The following TMEM178B variants were observed in gnomAD, a reference collection of about 807,000 sequenced individuals.
TMEM178B encodes the protein transmembrane protein 178B.
A neutral mutation model predicts 31.0 loss-of-function variants in TMEM178B; 5 were observed. The observed-to-expected ratio is 0.16, with a 90% CI of 0.08 to 0.34. The LOEUF (loss-of-function observed/expected upper bound fraction) is 0.34. Ranked by LOEUF, TMEM178B falls within the 10% of genes least tolerant of loss-of-function variation. TMEM178B has a pLI of 1.00. For synonymous variants in TMEM178B, 164 were observed against 164.0 expected (o/e 1.00, Z 0.00); for missense variants, 275 against 400.3 (o/e 0.69, Z 2.67).
chr7:141,156,522 T>C (rs560521708), intron 1 of TMEM178B, among the ~76,000 whole-genome samples: 82 of 152,268 alleles, frequency 5.4e-4, no homozygotes, highest in African/African-American at 1.8e-3. Context: ...GTACAAAAGA[T>C]GGACACCTTG....
At chr7:141,182,798 A>G (rs961931389) in intron 1 of TMEM178B, among the ~76,000 whole-genome samples, 1 of 152,178 alleles carries the variant, frequency 6.6e-6, no homozygotes, top group Non-Finnish European at 1.5e-5. Flanking sequence ...TCCCCTGCAC[A>G]AGCTCTCTTT....
At position 141,112,723 on chromosome 7, in the gene TMEM178B, GA is replaced by G. The variant is rs755882470; in HGVS notation, c.382+38032del. Reference sequence around the variant, plus strand: ...GAAATCTAAGAGGGTAAGTATTGCTGATCACAGCAAAGAGTGGCGCTCTCTC... The same window carrying G: ...GAAATCTAAGAGGGTAAGTATTGCTGTCACAGCAAAGAGTGGCGCTCTCTC... On this transcript the variant is annotated intron_variant, in intron 1 of 3. Coordinates refer to ENST00000565468, the MANE Select transcript of TMEM178B (RefSeq NM_001195278.2). 9.2e-5 allele frequency among the ~76,000 whole-genome samples: 14 copies of G among 152,290 alleles called. No individual in the cohort carries two copies. In the East Asian group the frequency reaches 2.5e-3, roughly 27 times the overall value.
Position 141,152,803 on chromosome 7 carries a change from G to A in TMEM178B, c.383-59788G>A, listed in dbSNP as rs547187976. Among the ~76,000 whole-genome samples the A allele has an allele frequency of 3.9e-5, 6 of 152,316 alleles. No homozygotes were observed. In the East Asian group the frequency reaches 5.8e-4, roughly 15 times the overall value. ...AGGCCAAGGCCAAATCTCAAAATAC[G>A]TTCATTTCTCTTTTTAAATAATAGT... On this transcript the variant is annotated intron_variant, in intron 1 of 3. Coordinates refer to ENST00000565468, the MANE Select transcript of TMEM178B (RefSeq NM_001195278.2).
At chr7:141,169,160 AC>A (rs1172587597) in intron 1 of TMEM178B, among the ~76,000 whole-genome samples, 2 of 152,170 alleles carry the variant, frequency 1.3e-5, no homozygotes, top group African/African-American at 4.8e-5. Flanking sequence ...TGAGCCTAGT[AC>A]CCATTAGTTA....
chr7:141,365,103 A>T (rs1489599363), intron 2 of TMEM178B, among the ~76,000 whole-genome samples: 2 of 152,230 alleles, frequency 1.3e-5, no homozygotes, highest in Non-Finnish European at 2.9e-5. Context: ...CAGAAACCCC[A>T]TCTCCTCATT....
chr7:141,241,319 C>T (rs377298570), intron 2 of TMEM178B, among the ~76,000 whole-genome samples: 32 of 151,904 alleles, frequency 2.1e-4, no homozygotes, highest in African/African-American at 6.8e-4. Context: ...TGGCCTGGCG[C>T]GGTGGCTCAC....
chr7:141,255,616 GAA>G (rs1409605635), intron 2 of TMEM178B, among the ~76,000 whole-genome samples: 1 of 151,116 alleles, frequency 6.6e-6, no homozygotes, highest in African/African-American at 2.4e-5. Context: ...TAAGTTCAAT[GAA>G]AGAGTCACTA....
intron 2 of TMEM178B, among the ~76,000 whole-genome samples, chr7:141,329,872 A>G (rs1414246072): frequency 6.6e-6 from 1 of 152,236 alleles, no homozygotes; most frequent in Non-Finnish European, 1.5e-5. Flanking sequence ...GGCTGGGGAC[A>G]TGACACTCAC....
intron 2 of TMEM178B, among the ~76,000 whole-genome samples, chr7:141,280,178 G>A (rs1415082822): frequency 2.6e-5 from 4 of 152,192 alleles, no homozygotes. Flanking sequence ...CTCCCTGCTG[G>A]CTTAGACCAG....
chr7:141,424,616 G>T (rs1801280672), intron 2 of TMEM178B, among the ~76,000 whole-genome samples: 1 of 152,160 alleles, frequency 6.6e-6, no homozygotes, highest in Non-Finnish European at 1.5e-5. Flanking sequence ...GATTGTTAAA[G>T]TAACACATCC....
chr7:141,373,962 G>C (rs1056097019), intron 2 of TMEM178B, among the ~76,000 whole-genome samples: 2 of 152,194 alleles, frequency 1.3e-5, no homozygotes, highest in African/African-American at 4.8e-5. Context: ...CCAACTCTGG[G>C]GGATGGACTT....
chr7:141,415,393 ATC>A (rs1393217803), intron 2 of TMEM178B: 1 of 152,856 alleles, frequency 6.5e-6, no homozygotes, highest in Non-Finnish European at 1.5e-5. Context: ...CATGTAAACT[ATC>A]TCATTTTACC....
At chr7:141,408,937 C>G (rs1367941068) in intron 2 of TMEM178B, among the ~76,000 whole-genome samples, 2 of 152,100 alleles carry the variant, frequency 1.3e-5, no homozygotes, top group African/African-American at 4.8e-5. Flanking sequence ...CATGGTAGAT[C>G]TGACTGTCAT....
At chr7:141,424,748 G>C (rs1801282794) in intron 2 of TMEM178B, among the ~76,000 whole-genome samples, 1 of 152,186 alleles carries the variant, frequency 6.6e-6, no homozygotes, top group Non-Finnish European at 1.5e-5. Context: ...GCAGCACAGA[G>C]ATACACCCGC....
intron 2 of TMEM178B, among the ~76,000 whole-genome samples, chr7:141,260,149 C>T (rs189960427): frequency 2.0e-5 from 3 of 151,972 alleles, no homozygotes; most frequent in African/African-American, 7.2e-5. Flanking sequence ...ATTTATTTGC[C>T]ACCGAGATTG....
intron 2 of TMEM178B, among the ~76,000 whole-genome samples, chr7:141,232,350 G>T (rs1268272743): frequency 6.6e-6 from 1 of 152,136 alleles, no homozygotes; most frequent in Non-Finnish European, 1.5e-5. Flanking sequence ...GGGTCAAGTG[G>T]TATTTCTGGT....
rs73501180 is a variant in TMEM178B at position 141,160,703 on chromosome 7, G to A, written c.383-51888G>A. On this transcript the variant is annotated intron_variant, in intron 1 of 3. Coordinates refer to ENST00000565468, the MANE Select transcript of TMEM178B (RefSeq NM_001195278.2). ...TATGTTCTGCACCGTTTTCCTTATGGTGGGTCTGAGTCACCTGGAACCAGC... is the reference window on the plus strand; with the variant it reads ...TATGTTCTGCACCGTTTTCCTTATGATGGGTCTGAGTCACCTGGAACCAGC... 1.6e-3 allele frequency among the ~76,000 whole-genome samples: 248 copies of A among 152,262 alleles called. 1 individual carries two copies. Among genetic ancestry groups the A allele is most frequent in the Middle Eastern group, 6.8e-3 (2 of 294 alleles).
At chr7:141,275,613 C>T (rs1798253402) in intron 2 of TMEM178B, among the ~76,000 whole-genome samples, 1 of 152,194 alleles carries the variant, frequency 6.6e-6, no homozygotes, top group Non-Finnish European at 1.5e-5. Flanking sequence ...TATCTGAAAG[C>T]AGGATAAAGA....
At chr7:141,459,786 G>A (rs573670529) in intron 3 of TMEM178B, among the ~76,000 whole-genome samples, 6 of 152,234 alleles carry the variant, frequency 3.9e-5, no homozygotes, top group African/African-American at 1.2e-4. Context: ...CAGTCCTTGG[G>A]ATGGCTTCAG....
Sources: gnomAD v4.1 joint callset for allele counts (sites outside exome capture counted in the v4.1 genomes callset) on GRCh38, gnomAD v4.1.1 for gene constraint, MANE v1.5 for transcripts, NCBI Gene and HGNC (gene_info 2026-07-23, HGNC 2026-07-21) for gene names.